DBNDD1: variants seen among roughly 807,000 people sequenced by gnomAD.
DBNDD1 encodes dysbindin domain-containing protein 1.
A neutral mutation model predicts 17.0 loss-of-function variants in DBNDD1; 14 were observed. The observed-to-expected ratio is 0.82, with a 90% CI of 0.54 to 1.29. The LOEUF is 1.29. Among genes scored for constraint, DBNDD1 ranks in the 50% most tolerant of loss-of-function variants. The pLI, the probability that DBNDD1 is intolerant of heterozygous loss-of-function variation, is 0.00. For synonymous variants in DBNDD1, 105 were observed against 102.0 expected (o/e 1.03, Z -0.18); for missense variants, 221 against 216.2 (o/e 1.02, Z -0.14).
In DBNDD1 at chr16:90,006,199, C is replaced by T; in HGVS notation, c.*136G>A. The T allele has an allele frequency of 8.0e-7, 1 of 1,242,392 alleles. No individual in the cohort carries two copies. Among genetic ancestry groups the T allele is most frequent in the South Asian group, 1.5e-5 (1 of 66,548 alleles). The allele number at this position is 1,242,392 out of a possible 1,614,324, so 77.0% of individuals were successfully genotyped here. A position where few individuals can be genotyped will look rare whatever the true frequency, so the allele number is the denominator to read the frequency against. On this transcript the variant is annotated 3_prime_UTR_variant, in exon 4 of 4. Coordinates refer to ENST00000002501, the MANE Select transcript of DBNDD1 (RefSeq NM_001042610.3). ...CGGTCTCGGGGCTGGCAGAGAGCTG[C>T]CCCCAGGGTGTGTGTCAGGAGGTGA...
At chr16:90,010,046 ATGTT>A in intron 1 of DBNDD1, 1 of 1,613,856 alleles carries the variant, frequency 6.2e-7, no homozygotes, top group Non-Finnish European at 8.5e-7. Flanking sequence ...GGTTTCTCCC[ATGTT>A]TATTTATTTT....
At chr16:90,009,839 C>T (rs984229822) in intron 1 of DBNDD1, 1 of 987,702 alleles carries the variant, frequency 1.0e-6, no homozygotes, top group Non-Finnish European at 1.5e-6. Context: ...TGTCCAGCCT[C>T]TTGGTCCCCT....
intron 1 of DBNDD1, among the ~76,000 whole-genome samples, chr16:90,016,788 A>G (rs2035649033): frequency 6.6e-6 from 1 of 152,230 alleles, no homozygotes; most frequent in Non-Finnish European, 1.5e-5. Context: ...GGCCCCGTCC[A>G]GAGCATCGAG....
chr16:90,005,970 G>A lies in DBNDD1; in HGVS notation c.*365C>T. 1 of 202,614 alleles carries A rather than the reference G, an allele frequency of 4.9e-6. No homozygotes were observed. The highest frequency in any genetic ancestry group is 1.2e-4 in the South Asian group (1 of 8,460). The allele number at this position is 202,614 out of a possible 1,614,324, so 12.6% of individuals were successfully genotyped here. On this transcript the variant is annotated 3_prime_UTR_variant, in exon 4 of 4. Coordinates refer to ENST00000002501, the MANE Select transcript of DBNDD1 (RefSeq NM_001042610.3). Reference sequence around the variant, plus strand: ...GTCCCCTTCACCCCAAGGCCGCCGTGGGCCACTCCATTCCTCAGCACGTTC... The same window carrying A: ...GTCCCCTTCACCCCAAGGCCGCCGTAGGCCACTCCATTCCTCAGCACGTTC...
chr16:90,016,691 T>C (rs1223491745), intron 1 of DBNDD1, among the ~76,000 whole-genome samples: 1 of 152,134 alleles, frequency 6.6e-6, no homozygotes, highest in African/African-American at 2.4e-5. Flanking sequence ...TGATTGCTGA[T>C]GCCCTGTGCT....
chr16:90,010,091 G>T (rs2035523636), intron 1 of DBNDD1: 1 of 1,594,960 alleles, frequency 6.3e-7, no homozygotes, highest in Non-Finnish European at 8.6e-7. Context: ...TGTCACCCAG[G>T]CTGGAGTGCA....
chr16:90,014,802 C>T (rs926487269), intron 1 of DBNDD1, among the ~76,000 whole-genome samples: 8 of 152,000 alleles, frequency 5.3e-5, no homozygotes, highest in Admixed American at 1.3e-4. Flanking sequence ...GCCAGGAGTT[C>T]GAGACCAGTC....
At chr16:90,006,893 T>A (rs4785765) in intron 3 of DBNDD1, 105,300 of 157,704 alleles carry the variant, frequency 0.67, 34,696 homozygotes, top group South Asian at 0.77. Context: ...GGGCCTTGTG[T>A]GTCCCCGGCC....
chr16:90,014,166 C>G (rs1248761861), intron 1 of DBNDD1, among the ~76,000 whole-genome samples: 1 of 150,946 alleles, frequency 6.6e-6, no homozygotes, highest in Non-Finnish European at 1.5e-5. Context: ...CTCGCTCTGT[C>G]ACCAGGCTGG....
rs532882018 is a variant in DBNDD1, at chr16:90,018,099, G to C, written c.31+1212C>G. Among the ~76,000 whole-genome samples, 23 of 152,336 alleles carry C rather than the reference G, an allele frequency of 1.5e-4. No homozygotes were observed. The South Asian group carries it at 2.9e-3, about 19-fold the overall frequency. ...AGAACTGTCTCCACTGACAGAAATGGAAATTGAGGCTCACAGGGGCCTGAC... is the reference window on the plus strand; with the variant it reads ...AGAACTGTCTCCACTGACAGAAATGCAAATTGAGGCTCACAGGGGCCTGAC... On this transcript the variant is annotated intron_variant, in intron 1 of 3. Coordinates refer to ENST00000002501, the MANE Select transcript of DBNDD1 (RefSeq NM_001042610.3).
intron 1 of DBNDD1, among the ~76,000 whole-genome samples, chr16:90,018,733 C>T (rs1007260939): frequency 5.9e-5 from 9 of 152,194 alleles, no homozygotes; most frequent in Non-Finnish European, 1.2e-4. Context: ...CCCCGATGAG[C>T]GTGCGCCTGG....
rs1433737055 is a variant in DBNDD1, at chr16:90,017,823, C to G, written c.31+1488G>C. Among the ~76,000 whole-genome samples the G allele has an allele frequency of 7.2e-5, 11 of 152,316 alleles. No individual in the cohort carries two copies. The East Asian group carries it at 1.9e-3, about 27-fold the overall frequency. ...GCGTGAGCCCTCAGAGGACAGGGCC[C>G]TGTCTTCCCACTAACTCCCCACCCC... On this transcript the variant is annotated intron_variant, in intron 1 of 3. Coordinates refer to ENST00000002501, the MANE Select transcript of DBNDD1 (RefSeq NM_001042610.3).
At chr16:90,018,510 C>G (rs1368738632) in intron 1 of DBNDD1, among the ~76,000 whole-genome samples, 1 of 152,222 alleles carries the variant, frequency 6.6e-6, no homozygotes, top group East Asian at 1.9e-4. Flanking sequence ...TCTAGGAAAC[C>G]AGGAGGTGGT....
intron 1 of DBNDD1, among the ~76,000 whole-genome samples, chr16:90,014,776 G>A (rs915017063): frequency 7.9e-5 from 12 of 152,036 alleles, no homozygotes; most frequent in South Asian, 2.1e-4. Flanking sequence ...AGGCCAAGGC[G>A]GGCGGATCAC....
intron 3 of DBNDD1, 197 bp from the exon 4 acceptor site, chr16:90,006,689 G>C: frequency 1.4e-6 from 1 of 716,154 alleles, no homozygotes; most frequent in Non-Finnish European, 2.3e-6. Flanking sequence ...GGATGTTGTG[G>C]TCTGGGTGGG....
At chr16:90,010,924 G>A (rs551994499) in intron 1 of DBNDD1, among the ~76,000 whole-genome samples, 8 of 150,554 alleles carry the variant, frequency 5.3e-5, no homozygotes, top group Admixed American at 3.3e-4. Context: ...GAGACAAAGC[G>A]CTGGCTTCCT....
chr16:90,008,754 C>G lies in DBNDD1; in HGVS notation c.319+30G>C, dbSNP rs200200334. On this transcript the variant is annotated intron_variant, in intron 3 of 3. Transcript: ENST00000002501. ...AGGGGCCTCAGCCCACCAGGCACAC[C>G]TCCCAGCCCAGCCCTGATGCCGGCC... 3.4e-3 allele frequency: 5,298 copies of G among 1,579,652 alleles called. 23 individuals are homozygous for G. Among genetic ancestry groups the G allele is most frequent in the South Asian group, 7.2e-3 (641 of 89,264 alleles).
chr16:90,015,643 G>A (rs1182848424), intron 1 of DBNDD1, among the ~76,000 whole-genome samples: 1 of 152,204 alleles, frequency 6.6e-6, no homozygotes, highest in East Asian at 1.9e-4. Context: ...ACAGAATGTG[G>A]TCTGTGCCTA....
chr16:90,009,513 G>T, intron 1 of DBNDD1, 83 bp from the exon 2 acceptor site: 1 of 1,572,648 alleles, frequency 6.4e-7, no homozygotes, highest in South Asian at 1.1e-5. Context: ...GTGAGGACTT[G>T]GCACATCCAG....
Sources: allele counts gnomAD v4.1 joint callset (sites outside exome capture counted in the v4.1 genomes callset), GRCh38; gene constraint gnomAD v4.1.1; transcripts MANE v1.5; gene names NCBI Gene and HGNC (gene_info 2026-07-23, HGNC 2026-07-21).